The following ZNF765 variants were observed in gnomAD, a reference collection of about 807,000 sequenced individuals.
The protein encoded by ZNF765 is zinc finger protein 765.
ZNF765 carries 37 observed loss-of-function variants against 44.7 expected under a neutral mutation model. The ratio of observed to expected loss-of-function variants is 0.83; its 90% CI spans 0.64 to 1.09. ZNF765 has a LOEUF of 1.09. ZNF765 is among the 50% of genes least tolerant of loss of function. The pLI, the probability that ZNF765 is intolerant of heterozygous loss-of-function variation, is 0.00. For missense variants in ZNF765, 594 were observed against 626.1 expected, an observed-to-expected ratio of 0.95 and a Z score of 0.55; for synonymous variants, 201 against 213.7, an observed-to-expected ratio of 0.94 and a Z score of 0.52.
At chr19:53,400,389 C>G (rs972091333) in intron 2 of ZNF765, among the ~76,000 whole-genome samples, 4 of 152,066 alleles carry the variant, frequency 2.6e-5, no homozygotes, top group African/African-American at 7.2e-5. Context: ...CGCGTTACTA[C>G]AGATATCTCA....
chr19:53,403,767 T>A (rs2085750236), intron 3 of ZNF765, among the ~76,000 whole-genome samples: 1 of 151,002 alleles, frequency 6.6e-6, no homozygotes, highest in Non-Finnish European at 1.5e-5. Context: ...GCTTGAACCC[T>A]GGAGGTGGAG....
chr19:53,422,617 C>T (rs1198417157), intron 3 of ZNF765, among the ~76,000 whole-genome samples: 1 of 151,850 alleles, frequency 6.6e-6, no homozygotes, highest in Admixed American at 6.6e-5. Flanking sequence ...CTTTATCATC[C>T]AGGCTGGCGT....
downstream of ZNF765, among the ~76,000 whole-genome samples, chr19:53,416,484 A>G (rs1235034998): frequency 6.6e-6 from 1 of 152,150 alleles, no homozygotes; most frequent in African/African-American, 2.4e-5. Flanking sequence ...TTTGCAGGTA[A>G]CATAAACAAG....
Position 53,424,212 on chromosome 19 carries a change from G to T in ZNF765, c.*1110G>T, listed in dbSNP as rs550387267. 3.3e-5 allele frequency: 5 copies of T among 151,752 alleles called. 1 individual carries two copies. Among genetic ancestry groups the T allele is most frequent in the African/African-American group, 1.2e-4 (5 of 41,360 alleles). The allele number at this position is 151,752 out of a possible 1,614,324, so 9.4% of individuals were successfully genotyped here. ...CGCCTGTAATCCCAGCACTTTGGAG[G>T]GCCGAAGCAGACGGATTAACTGAGG... On this transcript the variant is annotated 3_prime_UTR_variant, in exon 4 of 4. Transcript: ENST00000594030.
intron 1 of ZNF765, among the ~76,000 whole-genome samples, chr19:53,395,777 T>A (rs1263676148): frequency 7.9e-5 from 12 of 152,172 alleles, no homozygotes; most frequent in Admixed American, 7.2e-4. Context: ...CCTGCCCAGC[T>A]CCAGCCCCTG....
chr19:53,396,235 A>G (rs929234903), intron 1 of ZNF765, among the ~76,000 whole-genome samples: 14 of 150,068 alleles, frequency 9.3e-5, no homozygotes, highest in South Asian at 4.2e-4. Flanking sequence ...CTGGGGTGCT[A>G]GAGAGTGGGG....
At chr19:53,397,420 G>A (rs1245015632) in intron 1 of ZNF765, among the ~76,000 whole-genome samples, 1 of 152,124 alleles carries the variant, frequency 6.6e-6, no homozygotes, top group Non-Finnish European at 1.5e-5. Flanking sequence ...TGAATTTTTA[G>A]TAGAGACAGG....
chr19:53,413,630 G>T (rs562625377), downstream of ZNF765, among the ~76,000 whole-genome samples: 135 of 145,554 alleles, frequency 9.3e-4, no homozygotes, highest in Non-Finnish European at 1.5e-3. Flanking sequence ...AACTCCACTG[G>T]GTCAGTGGAT....
rs755218332 is a variant in ZNF765, at chr19:53,408,575, G to A, written c.1020G>A (p.Ser340=). The A allele has an allele frequency of 1.5e-5, 24 of 1,593,530 alleles. No homozygotes were observed. The highest frequency in any genetic ancestry group is 4.4e-5 in the African/African-American group (3 of 68,960). The change falls in exon 4 of 4, where the codon TCG becomes TCA. Residue 340 remains serine, a synonymous_variant. Coordinates refer to ENST00000396408, the MANE Select transcript of ZNF765 (RefSeq NM_001040185.3). The stretch of plus-strand genomic sequence containing the variant: ...GTGGCAAGACCTTTAGTCAGAAGTC[G>A]TACCTTACATGCCATCGTAGGCTTC... ...NECGKTFSQK[S]YLTCHRRLHT...
At chr19:53,416,095 C>T (rs1013682380), downstream of ZNF765, among the ~76,000 whole-genome samples, 2 of 152,046 alleles carry the variant, frequency 1.3e-5, no homozygotes, top group Non-Finnish European at 2.9e-5. Context: ...GCTGGGATTA[C>T]AGGCGTGCAC....
At chr19:53,426,797 C>T (rs528439474) in exon 4 of ZNF765, 2 of 152,178 alleles carry the variant, frequency 1.3e-5, no homozygotes, top group South Asian at 4.2e-4. Context: ...GAAAAACTGC[C>T]TTCCACTAAA....
At chr19:53,401,423 C>T (rs766935497) in intron 2 of ZNF765, among the ~76,000 whole-genome samples, 4 of 151,638 alleles carry the variant, frequency 2.6e-5, no homozygotes, top group South Asian at 2.1e-4. Flanking sequence ...ATTAGCTGGG[C>T]GTGGTGGTGG....
chr19:53,400,544 C>A (rs2085713839), intron 2 of ZNF765, among the ~76,000 whole-genome samples: 1 of 152,000 alleles, frequency 6.6e-6, no homozygotes, highest in African/African-American at 2.4e-5. Flanking sequence ...CTCTTCAGTT[C>A]AACAAAACTT....
At chr19:53,416,997 T>C (rs2085879115), downstream of ZNF765, among the ~76,000 whole-genome samples, 1 of 152,074 alleles carries the variant, frequency 6.6e-6, no homozygotes, top group Non-Finnish European at 1.5e-5. Context: ...TTTGTCTTTT[T>C]GGTAGAGACG....
chr19:53,400,633 A>G (rs1439576515), intron 2 of ZNF765, among the ~76,000 whole-genome samples: 4 of 152,012 alleles, frequency 2.6e-5, no homozygotes, highest in African/African-American at 9.7e-5. Flanking sequence ...ATACATATAC[A>G]TACATATACA....
At chr19:53,403,282 T>C (rs767472037) in intron 3 of ZNF765, among the ~76,000 whole-genome samples, 12 of 152,228 alleles carry the variant, frequency 7.9e-5, no homozygotes, top group Admixed American at 6.5e-4. Context: ...GAGTGCAGAT[T>C]AAATACTTAC....
intron 3 of ZNF765, chr19:53,422,985 C>T: frequency 1.4e-6 from 1 of 718,572 alleles, no homozygotes; most frequent in Admixed American, 2.0e-5. Context: ...TAGAGGAGTC[C>T]CACAGACAAT....
chr19:53,410,124 C>A lies in ZNF765; in HGVS notation c.*997C>A. The A allele has an allele frequency of 2.3e-6, 1 of 444,216 alleles. No homozygotes were observed. Among genetic ancestry groups the A allele is most frequent in the South Asian group, 1.7e-5 (1 of 59,190 alleles). The allele number at this position is 444,216 out of a possible 1,614,324, so 27.5% of individuals were successfully genotyped here. A position where few individuals can be genotyped will look rare whatever the true frequency, so the allele number is the denominator to read the frequency against. The stretch of plus-strand genomic sequence containing the variant: ...AAGAATGTGATGAAGCTTTCAGATT[C>A]AAATCAAACCTTGATAGTCATAGAA... On this transcript the variant is annotated 3_prime_UTR_variant, in exon 4 of 4. Coordinates refer to ENST00000396408, the MANE Select transcript of ZNF765 (RefSeq NM_001040185.3).
intron 3 of ZNF765, among the ~76,000 whole-genome samples, chr19:53,402,561 A>G (rs1005560756): frequency 2.6e-5 from 4 of 151,910 alleles, no homozygotes; most frequent in African/African-American, 9.7e-5. Flanking sequence ...TGCCCGGCCT[A>G]TATTTTCTCT....
Sources: allele counts gnomAD v4.1 joint callset (sites outside exome capture counted in the v4.1 genomes callset), GRCh38; gene constraint gnomAD v4.1.1; transcripts MANE v1.5; gene names NCBI Gene and HGNC (gene_info 2026-07-23, HGNC 2026-07-21).